Variants in PNPLA5 observed in about 807,000 individuals in gnomAD.
PNPLA5 encodes the protein patatin like domain 5, triacylglycerol lipase.
Under a neutral mutation model 49.1 loss-of-function variants are expected in PNPLA5, and 44 were observed. That is an observed-to-expected ratio of 0.90 (90% CI 0.70 to 1.15). The LOEUF is 1.15. Ranked by LOEUF, PNPLA5 falls within the 50% of genes most tolerant of loss-of-function variation. PNPLA5 has a pLI of 0.00. For missense variants in PNPLA5, 603 were observed against 564.0 expected (o/e 1.07, Z -0.70); for synonymous variants, 243 against 244.4 (o/e 0.99, Z 0.06).
intron 6 of PNPLA5, 139 bp from the exon 7 acceptor site, chr22:43,884,484 C>T: frequency 8.0e-7 from 1 of 1,244,162 alleles, no homozygotes; most frequent in African/African-American, 1.6e-5. Flanking sequence ...CAAGCCCCCA[C>T]CACAGGCCAG....
At chr22:43,880,964 CCA>C in intron 8 of PNPLA5, 79 bp from the exon 9 acceptor site, 1 of 1,266,976 alleles carries the variant, frequency 7.9e-7, no homozygotes. Context: ...GCAGGCGCAG[CCA>C]CAGTGAACCC....
intron 7 of PNPLA5, 95 bp from the exon 8 acceptor site, chr22:43,881,769 C>T (rs2049613402): frequency 1.3e-6 from 2 of 1,509,556 alleles, no homozygotes; most frequent in South Asian, 1.3e-5. Flanking sequence ...CAGCCGGGAG[C>T]CCTGCTCCTG....
chr22:43,886,570 CA>C, intron 5 of PNPLA5, 82 bp from the exon 6 acceptor site: 1 of 1,513,030 alleles, frequency 6.6e-7, no homozygotes, highest in Middle Eastern at 2.4e-4. Flanking sequence ...CCTCAGAGCC[CA>C]AACCCAGTTC....
At position 43,880,922 on chromosome 22, in the gene PNPLA5, G is replaced by A. The variant is rs2049603601; in HGVS notation, c.1200-37C>T. ...GGAGAAGCCACGGGTAAATGCCTGGGGCTCGGGAAGGGTAGGTGAAACCAC... is the reference window on the plus strand; with the variant it reads ...GGAGAAGCCACGGGTAAATGCCTGGAGCTCGGGAAGGGTAGGTGAAACCAC... On this transcript the variant is annotated intron_variant, in intron 8 of 8. Transcript: ENST00000216177. The A allele has an allele frequency of 2.3e-6, 3 of 1,309,856 alleles. No individual in the cohort carries two copies. The Admixed American group carries it at 9.6e-5, about 42-fold the overall frequency. The allele number at this position is 1,309,856 out of a possible 1,614,324, so 81.1% of individuals were successfully genotyped here.
intron 2 of PNPLA5, 102 bp downstream of exon 2, chr22:43,890,958 CTT>C: frequency 7.0e-7 from 1 of 1,431,034 alleles, no homozygotes; most frequent in Non-Finnish European, 9.4e-7. Flanking sequence ...GCCCTCCCTC[CTT>C]CCGCCCCTGC....
In PNPLA5 at chr22:43,886,218, C is replaced by T. The variant is rs1311247202; in HGVS notation, c.949+85G>A. 7.1e-5 allele frequency: 103 copies of T among 1,454,518 alleles called. 1 individual carries two copies. The highest frequency in any genetic ancestry group is 2.2e-4 in the South Asian group (16 of 71,956). 90.1% of individuals were successfully genotyped at this position (1,454,518 alleles called of 1,614,324 possible). A position where few individuals can be genotyped will look rare whatever the true frequency, so the allele number is the denominator to read the frequency against. ...ATGAGTCCTGTCCTCTTCCAGACCACGAGTGCCTTCAAGGCAGGGTCCCTG... is the reference window on the plus strand; with the variant it reads ...ATGAGTCCTGTCCTCTTCCAGACCATGAGTGCCTTCAAGGCAGGGTCCCTG... On this transcript the variant is annotated intron_variant, in intron 6 of 8. Transcript: ENST00000216177.
chr22:43,888,053 G>T (rs141952724), intron 4 of PNPLA5, among the ~76,000 whole-genome samples: 9 of 152,180 alleles, frequency 5.9e-5, no homozygotes, highest in African/African-American at 2.2e-4. Flanking sequence ...TTGCCCCTTC[G>T]ATGTTTACTT....
In PNPLA5 at chr22:43,891,851, C is replaced by G; in HGVS notation, c.30G>C (p.Trp10Cys). 1 of 1,521,230 alleles carries G rather than the reference C, an allele frequency of 6.6e-7. No homozygotes were observed. Among genetic ancestry groups the G allele is most frequent in the East Asian group, 2.5e-5 (1 of 40,206 alleles). 94.2% of individuals were successfully genotyped at this position (1,521,230 alleles called of 1,614,324 possible). MGFLEEEGR[W>C]NLSFSGAGYL... The stretch of plus-strand genomic sequence containing the variant: ...AGCCGGCGCCGGAGAAGGACAGGTT[C>G]CATCTGCCCTCCTCCTCTAAGAAGC... The change falls in exon 1 of 9, where the codon TGG becomes TGC. Residue 10 changes from tryptophan to cysteine, a missense_variant. By Grantham distance (215) the Trp-to-Cys change is radical. Coordinates refer to ENST00000216177, the MANE Select transcript of PNPLA5 (RefSeq NM_138814.4).
intron 2 of PNPLA5, chr22:43,890,160 G>C: frequency 1.3e-6 from 1 of 798,002 alleles, no homozygotes; most frequent in Non-Finnish European, 1.5e-6. Flanking sequence ...CTCCTTGCCT[G>C]TGTAGCAGTT....
Position 43,889,553 on chromosome 22 carries a change from G to A in PNPLA5, c.493-15C>T. The A allele has an allele frequency of 1.3e-6, 2 of 1,589,292 alleles. No homozygotes were observed. Among genetic ancestry groups the A allele is most frequent in the Non-Finnish European group, 1.7e-6 (2 of 1,165,634 alleles). The stretch of plus-strand genomic sequence containing the variant: ...TCGATGTAGCGCTGCAATTTGTGGG[G>A]AGCAGGTGGGTGGTGCTGCCCTCTC... On this transcript the variant is annotated splice_polypyrimidine_tract_variant and intron_variant, in intron 3 of 8. Transcript: ENST00000216177.
intron 5 of PNPLA5, 30 bp downstream of exon 5, chr22:43,887,561 A>G (rs749959413): frequency 6.2e-7 from 1 of 1,604,606 alleles, no homozygotes; most frequent in East Asian, 2.2e-5. Context: ...GTGGGACATG[A>G]TCCCCAGCCA....
intron 6 of PNPLA5, 130 bp from the exon 7 acceptor site, chr22:43,884,475 A>T (rs2049642038): frequency 9.3e-6 from 12 of 1,286,372 alleles, no homozygotes; most frequent in Non-Finnish European, 1.2e-5. Context: ...AACACTGAGC[A>T]AGCCCCCACC....
In PNPLA5 at chr22:43,889,790, T is replaced by G. The variant is rs765594364; in HGVS notation, c.492+9A>C. 3.7e-6 allele frequency: 6 copies of G among 1,611,304 alleles called. No individual in the cohort carries two copies. The highest frequency in any genetic ancestry group is 2.2e-5 in the East Asian group (1 of 44,866). ...CAGAGCACAGAACGGGGTTCCAGAGTGCACTCACCTCCCCTCTGAACTCGG... is the reference window on the plus strand; with the variant it reads ...CAGAGCACAGAACGGGGTTCCAGAGGGCACTCACCTCCCCTCTGAACTCGG... On this transcript the variant is annotated intron_variant, in intron 3 of 8. Coordinates refer to ENST00000216177, the MANE Select transcript of PNPLA5 (RefSeq NM_138814.4).
chr22:43,891,070 GCT>G lies in PNPLA5; in HGVS notation c.416_417del (p.Glu139AlafsTer67), dbSNP rs868375253. 6.2e-7 allele frequency: 1 copy of G among 1,607,166 alleles called. No homozygotes were observed. Among genetic ancestry groups the G allele is most frequent in the African/African-American group, 1.3e-5 (1 of 74,818 alleles). ...FLVTDFATCD[E>X]LIQALVCTLY... ...CACCCCCCGCCCCACACCTGGATGA[GCT>G]CATCGCAGGTGGCGAAGTCAGTGAC... is the stretch of plus-strand genomic sequence containing the variant. On this transcript the variant is annotated frameshift_variant, in exon 2 of 9. Coordinates refer to ENST00000216177, the MANE Select transcript of PNPLA5 (RefSeq NM_138814.4). LOFTEE classifies it high-confidence loss of function.
At position 43,886,249 on chromosome 22, in the gene PNPLA5, G is replaced by C. The variant is rs767423498; in HGVS notation, c.949+54C>G. 5.2e-6 allele frequency: 8 copies of C among 1,545,712 alleles called. No homozygotes were observed. In the African/African-American group the frequency reaches 8.2e-5, roughly 16 times the overall value. ...CCTTCAAGGCAGGGTCCCTGAGCCC[G>C]GGCCCCTGAGTGCAGGGCCCTGGTA... On this transcript the variant is annotated intron_variant, in intron 6 of 8. Coordinates refer to ENST00000216177, the MANE Select transcript of PNPLA5 (RefSeq NM_138814.4).
intron 7 of PNPLA5, among the ~76,000 whole-genome samples, chr22:43,883,872 G>A (rs945438320): frequency 1.3e-5 from 2 of 152,000 alleles, no homozygotes; most frequent in Admixed American, 6.6e-5. Flanking sequence ...AGCCCAGAGA[G>A]GTCAAGAGAC....
At position 43,880,247 on chromosome 22, in the gene PNPLA5, C is replaced by G; in HGVS notation, c.*548G>C. The G allele has an allele frequency of 2.5e-6, 1 of 396,872 alleles. No individual in the cohort carries two copies. Among genetic ancestry groups the G allele is most frequent in the Non-Finnish European group, 4.4e-6 (1 of 225,572 alleles). 24.6% of individuals were successfully genotyped at this position (396,872 alleles called of 1,614,324 possible). On this transcript the variant is annotated 3_prime_UTR_variant, in exon 9 of 9. Coordinates refer to ENST00000216177, the MANE Select transcript of PNPLA5 (RefSeq NM_138814.4). ...ACCTGGACCCCCCTCTCCTCCTCCTCCTGCTTCCTGCCAGGGCCTTCCACC... is the reference window on the plus strand; with the variant it reads ...ACCTGGACCCCCCTCTCCTCCTCCTGCTGCTTCCTGCCAGGGCCTTCCACC...
chr22:43,881,709 A>G, intron 7 of PNPLA5, 35 bp from the exon 8 acceptor site: 1 of 1,606,008 alleles, frequency 6.2e-7, no homozygotes, highest in Non-Finnish European at 8.5e-7. Context: ...TGCCCAGGTG[A>G]GCCTGGGGTG....
Position 43,886,204 on chromosome 22 carries a change from C to A in PNPLA5, c.949+99G>T, listed in dbSNP as rs550983237. The A allele has an allele frequency of 4.4e-6, 6 of 1,363,086 alleles. No individual in the cohort carries two copies. In the African/African-American group the frequency reaches 7.3e-5, roughly 17 times the overall value. 84.4% of individuals were successfully genotyped at this position (1,363,086 alleles called of 1,614,324 possible). ...TAGGTGCTCAGTAAATGAGTCCTGTCCTCTTCCAGACCACGAGTGCCTTCA... is the reference window on the plus strand; with the variant it reads ...TAGGTGCTCAGTAAATGAGTCCTGTACTCTTCCAGACCACGAGTGCCTTCA... On this transcript the variant is annotated intron_variant, in intron 6 of 8. Transcript: ENST00000216177.
Sources: allele counts gnomAD v4.1 joint callset (sites outside exome capture counted in the v4.1 genomes callset), GRCh38; gene constraint gnomAD v4.1.1; transcripts MANE v1.5; gene names NCBI Gene and HGNC (gene_info 2026-07-23, HGNC 2026-07-21).